The following TMEM132D variants were observed in gnomAD, a reference collection of about 807,000 sequenced individuals.
TMEM132D encodes mature OL transmembrane protein.
A neutral mutation model predicts 62.3 loss-of-function variants in TMEM132D; 21 were observed. That is an observed-to-expected ratio of 0.34 (90% CI 0.24 to 0.49). The LOEUF (loss-of-function observed/expected upper bound fraction) is 0.49, where lower values mean the gene tolerates loss of function less well. TMEM132D is among the 20% of genes least tolerant of loss of function. The pLI, the probability that TMEM132D is intolerant of heterozygous loss-of-function variation, is 0.99. For synonymous variants in TMEM132D, 621 were observed against 575.6 expected, an observed-to-expected ratio of 1.08 and a Z score of -1.13; for missense variants, 1,346 against 1,402.8, an observed-to-expected ratio of 0.96 and a Z score of 0.65.
chr12:129,526,565 G>T (rs1203871210), intron 3 of TMEM132D, among the ~76,000 whole-genome samples: 1 of 152,294 alleles, frequency 6.6e-6, no homozygotes, highest in East Asian at 1.9e-4. Flanking sequence ...TTACAGGCAT[G>T]AGCCACCACT....
intron 3 of TMEM132D, among the ~76,000 whole-genome samples, chr12:129,487,195 C>T (rs1186917667): frequency 6.6e-6 from 1 of 152,044 alleles, no homozygotes; most frequent in Admixed American, 6.5e-5. Context: ...CCCCAGCGTG[C>T]ATGGGAGAGA....
At chr12:129,655,982 G>A (rs1427611570) in intron 2 of TMEM132D, among the ~76,000 whole-genome samples, 4 of 152,076 alleles carry the variant, frequency 2.6e-5, no homozygotes, top group Non-Finnish European at 4.4e-5. Context: ...CTACTTCCAG[G>A]CGTCAACGTT....
chr12:129,457,939 G>T (rs1256372560), intron 3 of TMEM132D, among the ~76,000 whole-genome samples: 4 of 152,152 alleles, frequency 2.6e-5, no homozygotes, highest in African/African-American at 9.7e-5. Context: ...ATCAGGCATG[G>T]ATTCCCCACT....
At chr12:129,388,062 C>T (rs113284409) in intron 3 of TMEM132D, among the ~76,000 whole-genome samples, 3 of 117,160 alleles carry the variant, frequency 2.6e-5, no homozygotes, top group East Asian at 2.4e-4. Flanking sequence ...AACACTAACA[C>T]GAGTCCTAAT....
chr12:129,813,088 A>G (rs930728450), intron 1 of TMEM132D, among the ~76,000 whole-genome samples: 2 of 151,844 alleles, frequency 1.3e-5, no homozygotes, highest in Non-Finnish European at 2.9e-5. Flanking sequence ...TAGTTGAGTC[A>G]TTCTTGATTT....
chr12:129,420,924 T>C (rs7135841), intron 3 of TMEM132D, among the ~76,000 whole-genome samples: 106,426 of 151,010 alleles, frequency 0.7, 37,597 homozygotes, highest in East Asian at 0.76. Flanking sequence ...CCCCTCTACT[T>C]TTATTTATCT....
intron 5 of TMEM132D, among the ~76,000 whole-genome samples, chr12:129,127,721 A>G (rs1306251030): frequency 6.6e-6 from 1 of 152,024 alleles, no homozygotes; most frequent in Non-Finnish European, 1.5e-5. Flanking sequence ...ATTTGCCTAG[A>G]TTGCAGCACC....
At chr12:129,445,152 C>A (rs1873059786) in intron 3 of TMEM132D, among the ~76,000 whole-genome samples, 1 of 152,098 alleles carries the variant, frequency 6.6e-6, no homozygotes, top group Non-Finnish European at 1.5e-5. Context: ...AATATCATGT[C>A]CTTTGCAGCA....
At chr12:129,830,285 A>C (rs1371951334) in intron 1 of TMEM132D, among the ~76,000 whole-genome samples, 1 of 152,162 alleles carries the variant, frequency 6.6e-6, no homozygotes, top group Non-Finnish European at 1.5e-5. Flanking sequence ...GACAACATAC[A>C]CACTCATATA....
At chr12:129,546,924 T>C (rs1225646262) in intron 2 of TMEM132D, among the ~76,000 whole-genome samples, 2 of 152,238 alleles carry the variant, frequency 1.3e-5, no homozygotes, top group Non-Finnish European at 2.9e-5. Flanking sequence ...ATACAGTTTA[T>C]TAATAAGCTA....
chr12:129,751,786 C>T (rs114725800), intron 1 of TMEM132D, among the ~76,000 whole-genome samples: 1 of 152,274 alleles, frequency 6.6e-6, no homozygotes, highest in African/African-American at 2.4e-5. Context: ...ACCAGGATGA[C>T]TTTGTCTCCT....
chr12:129,336,445 GGGCA>G (rs1272829379), intron 4 of TMEM132D, among the ~76,000 whole-genome samples: 1 of 151,990 alleles, frequency 6.6e-6, no homozygotes, highest in African/African-American at 2.4e-5. Flanking sequence ...GCATGGTGGT[GGGCA>G]CCTGTAATCC....
chr12:129,801,134 G>C (rs1429529971), intron 1 of TMEM132D, among the ~76,000 whole-genome samples: 2 of 152,224 alleles, frequency 1.3e-5, no homozygotes, highest in Non-Finnish European at 2.9e-5. Context: ...AGCGAGGTTG[G>C]GGGAGGGGCG....
chr12:129,741,543 A>G (rs966854106), intron 1 of TMEM132D, among the ~76,000 whole-genome samples: 10 of 152,222 alleles, frequency 6.6e-5, no homozygotes, highest in Admixed American at 1.3e-4. Flanking sequence ...AAGAATATGA[A>G]TAAGTCAGTG....
intron 2 of TMEM132D, among the ~76,000 whole-genome samples, chr12:129,644,095 C>T (rs1410457381): frequency 6.6e-6 from 1 of 151,998 alleles, no homozygotes; most frequent in Non-Finnish European, 1.5e-5. Flanking sequence ...CCTCATGATT[C>T]GCCCGCCTCA....
Position 129,073,998 on chromosome 12 carries a change from G to A in TMEM132D, c.3177C>T (p.Tyr1059=), listed in dbSNP as rs201990870. 1.5e-5 allele frequency: 25 copies of A among 1,613,996 alleles called. No individual in the cohort carries two copies. Among genetic ancestry groups the A allele is most frequent in the Non-Finnish European group, 2.1e-5 (25 of 1,179,934 alleles). Residue 1059 remains tyrosine, a synonymous_variant, in exon 9 of 9, where the codon TAC becomes TAT. Transcript: ENST00000422113. ...TCATCACGATGGAGTTCCTGGTGGG[G>A]TACTCGTCGTCTGAGGAGACGGCGG... ...TFTAVSSDDE[Y]PTRNSIVMSS...
chr12:129,788,736 A>G (rs942943035), intron 1 of TMEM132D, among the ~76,000 whole-genome samples: 21 of 152,176 alleles, frequency 1.4e-4, no homozygotes, highest in African/African-American at 5.1e-4. Context: ...ATGACTTACC[A>G]AGGAACAAGA....
At chr12:129,766,279 A>G (rs1441851042) in intron 1 of TMEM132D, among the ~76,000 whole-genome samples, 1 of 152,250 alleles carries the variant, frequency 6.6e-6, no homozygotes, top group Non-Finnish European at 1.5e-5. Context: ...TATACTCACT[A>G]GAATCCATTC....
chr12:129,234,604 T>C (rs1230354140), intron 4 of TMEM132D, among the ~76,000 whole-genome samples: 1 of 152,236 alleles, frequency 6.6e-6, no homozygotes, highest in African/African-American at 2.4e-5. Context: ...ATATTTTTTC[T>C]GCTTTTACAA....
Sources: gnomAD v4.1 joint callset for allele counts (sites outside exome capture counted in the v4.1 genomes callset) on GRCh38, gnomAD v4.1.1 for gene constraint, MANE v1.5 for transcripts, NCBI Gene and HGNC (gene_info 2026-07-23, HGNC 2026-07-21) for gene names.